Variants in DLG5 observed in about 807,000 individuals in gnomAD.
DLG5 encodes disks large homolog 5.
DLG5 carries 48 observed loss-of-function variants against 189.8 expected under a neutral mutation model. The ratio of observed to expected loss-of-function variants is 0.25; its 90% CI spans 0.20 to 0.32. The LOEUF is 0.32. Among genes scored for constraint, DLG5 ranks in the 10% least tolerant of loss-of-function variants. The probability of loss-of-function intolerance (pLI) is 1.00; values close to 1 mark genes in which losing one functional copy is unlikely to be tolerated. For missense variants in DLG5, 2,160 were observed against 2,544.7 expected (o/e 0.85, Z 3.25); for synonymous variants, 1,016 against 1,054.1 (o/e 0.96, Z 0.70).
At chr10:77,905,864 A>C (rs2131819146) in intron 1 of DLG5, among the ~76,000 whole-genome samples, 1 of 152,334 alleles carries the variant, frequency 6.6e-6, no homozygotes, top group East Asian at 1.9e-4. Flanking sequence ...TATTCTTGCA[A>C]GATGGGTATT....
At chr10:77,869,460 T>C (rs1589237506) in intron 1 of DLG5, 3 of 470,150 alleles carry the variant, frequency 6.4e-6, no homozygotes, top group Non-Finnish European at 7.5e-6. Flanking sequence ...AGCTGGCTTC[T>C]TGTTGGGACA....
At chr10:77,795,547 C>T (rs961752534) in intron 29 of DLG5, among the ~76,000 whole-genome samples, 4 of 152,080 alleles carry the variant, frequency 2.6e-5, no homozygotes, top group African/African-American at 9.7e-5. Flanking sequence ...GCCCAAGGAG[C>T]GGCTGTGTCC....
At chr10:77,937,159 C>CCT in the DLG5 span, among the ~76,000 whole-genome samples, 1 of 152,068 alleles carries the variant, frequency 6.6e-6, no homozygotes, top group Non-Finnish European at 1.5e-5. Flanking sequence ...TGTCTTCTAA[C>CCT]TCATCTCCTA....
chr10:77,847,911 T>C (rs1843773826), intron 5 of DLG5, among the ~76,000 whole-genome samples: 2 of 152,128 alleles, frequency 1.3e-5, no homozygotes, highest in South Asian at 4.1e-4. Context: ...CTCACTATGT[T>C]GCCCAGGCTG....
intron 1 of DLG5, among the ~76,000 whole-genome samples, chr10:77,920,385 T>TGACC (rs984586735): frequency 6.6e-6 from 1 of 152,124 alleles, no homozygotes; most frequent in African/African-American, 2.4e-5. Flanking sequence ...ACTCCAGCAA[T>TGACC]GACCGCCTGT....
rs12256959 is a variant in DLG5 at position 77,843,210 on chromosome 10, C to T, written c.1124+237G>A. 8.2e-3 allele frequency among the ~76,000 whole-genome samples: 1,242 copies of T among 152,270 alleles called. 22 individuals are homozygous for T. The highest frequency in any genetic ancestry group is 0.028 in the African/African-American group (1,163 of 41,544). ...ATTTCTACACGCTCAGAAAGGCCCG[C>T]TTGCAAGGCTAACCACTGAATGGTG... On this transcript the variant is annotated intron_variant, in intron 6 of 31. Transcript: ENST00000372391.
chr10:77,802,110 C>T (rs1841236945), intron 27 of DLG5, among the ~76,000 whole-genome samples: 1 of 152,206 alleles, frequency 6.6e-6, no homozygotes, highest in Admixed American at 6.5e-5. Context: ...TCTCCTCAAG[C>T]CCGGAGGGAG....
In DLG5 at chr10:77,835,730, C is replaced by T. The variant is rs137963889; in HGVS notation, c.1622+8G>A. The T allele has an allele frequency of 2.4e-3, 3,813 of 1,606,802 alleles. 71 individuals carry two copies. The African/African-American group carries it at 0.046, about 19-fold the overall frequency. On this transcript the variant is annotated splice_region_variant and intron_variant, in intron 8 of 31. Transcript: ENST00000372391. ...GCAAGCCCACGCCAGCTTGAGGTCA[C>T]CCCATACCGGATGCTGTCACGCTCT... is the stretch of plus-strand genomic sequence containing the variant.
At chr10:77,904,009 A>C (rs1846003691) in intron 1 of DLG5, among the ~76,000 whole-genome samples, 1 of 152,168 alleles carries the variant, frequency 6.6e-6, no homozygotes, top group African/African-American at 2.4e-5. Flanking sequence ...TCTGGCAATT[A>C]AAAGGCTGCT....
chr10:77,795,974 G>A (rs1840898824), intron 29 of DLG5, 87 bp downstream of exon 29: 2 of 1,588,826 alleles, frequency 1.3e-6, no homozygotes, highest in African/African-American at 2.7e-5. Context: ...GAGCCGCTGG[G>A]GCAGAGGATC....
chr10:77,864,794 G>A (rs1216460297), intron 2 of DLG5, among the ~76,000 whole-genome samples: 2 of 152,204 alleles, frequency 1.3e-5, no homozygotes, highest in African/African-American at 2.4e-5. Context: ...AAGGCCTAAG[G>A]GGGACACCCC....
At chr10:77,836,528 A>C (rs1400009509) in intron 7 of DLG5, among the ~76,000 whole-genome samples, 1 of 152,156 alleles carries the variant, frequency 6.6e-6, no homozygotes, top group East Asian at 1.9e-4. Flanking sequence ...AGGAAGACAC[A>C]CACGCACAGG....
chr10:77,905,870 G>T (rs1846057986), intron 1 of DLG5, among the ~76,000 whole-genome samples: 1 of 152,142 alleles, frequency 6.6e-6, no homozygotes, highest in Non-Finnish European at 1.5e-5. Flanking sequence ...TGCAAGATGG[G>T]TATTGTTCTA....
chr10:77,817,138 A>G (rs750962527), intron 18 of DLG5, 42 bp from the exon 19 acceptor site: 19 of 1,552,708 alleles, frequency 1.2e-5, no homozygotes, highest in Middle Eastern at 3.4e-4. Flanking sequence ...CCTCATGGTT[A>G]AACACCACCC....
At position 77,896,217 on chromosome 10, in the gene DLG5, T is replaced by C. The variant is rs193185237; in HGVS notation, c.305-27020A>G. Among the ~76,000 whole-genome samples, 17 of 152,308 alleles carry C rather than the reference T, an allele frequency of 1.1e-4. No individual in the cohort carries two copies. The East Asian group carries it at 2.9e-3, about 26-fold the overall frequency. ...TGTTCTAACAAAGATCTGTCAACCATGGATAATCCAGATTTTATTTGGCTA... is the reference window on the plus strand; with the variant it reads ...TGTTCTAACAAAGATCTGTCAACCACGGATAATCCAGATTTTATTTGGCTA... On this transcript the variant is annotated intron_variant, in intron 1 of 31. Transcript: ENST00000372391.
intron 7 of DLG5, among the ~76,000 whole-genome samples, chr10:77,841,253 T>A (rs1036056082): frequency 4.6e-5 from 7 of 151,998 alleles, no homozygotes; most frequent in African/African-American, 1.4e-4. Flanking sequence ...AGACAGAAAA[T>A]CCACATTGGC....
rs370692805 is a variant in DLG5, at chr10:77,880,225, G to A, written c.305-11028C>T. 6.6e-5 allele frequency among the ~76,000 whole-genome samples: 10 copies of A among 152,236 alleles called. No homozygotes were observed. In the South Asian group the frequency reaches 8.3e-4, roughly 13 times the overall value. On this transcript the variant is annotated intron_variant, in intron 1 of 31. Transcript: ENST00000372391. ...TCCTAGCACTTTGGGAGGCCAAGAC[G>A]GGTGGATCACCTGAGGTCAGGGTTT...
At chr10:77,884,977 C>T (rs901951833) in intron 1 of DLG5, among the ~76,000 whole-genome samples, 2 of 152,226 alleles carry the variant, frequency 1.3e-5, no homozygotes, top group Non-Finnish European at 2.9e-5. Flanking sequence ...TACCTGCAGA[C>T]ATCCACTGAG....
Position 77,800,943 on chromosome 10 carries a change from C to G in DLG5, c.5165-4349G>C, listed in dbSNP as rs1310807094. 2.0e-5 allele frequency among the ~76,000 whole-genome samples: 3 copies of G among 152,186 alleles called. No individual in the cohort carries two copies. In the East Asian group the frequency reaches 5.8e-4, roughly 29 times the overall value. On this transcript the variant is annotated intron_variant, in intron 27 of 31. Coordinates refer to ENST00000372391, the MANE Select transcript of DLG5 (RefSeq NM_004747.4). ...ACCACCAGCTGCACAAAAGCTGCAA[C>G]CCAGCCTGAGGTCAGCTGAGTCTGT...
Sources: allele counts gnomAD v4.1 joint callset (sites outside exome capture counted in the v4.1 genomes callset), GRCh38; gene constraint gnomAD v4.1.1; transcripts MANE v1.5; gene names NCBI Gene and HGNC (gene_info 2026-07-23, HGNC 2026-07-21).